Variants in TBC1D2 observed in about 807,000 individuals in gnomAD.
TBC1D2 encodes TBC1 domain family member 2A.
A neutral mutation model predicts 91.1 loss-of-function variants in TBC1D2; 58 were observed. The observed-to-expected ratio is 0.64, with a 90% confidence interval of 0.52 to 0.79. The LOEUF (loss-of-function observed/expected upper bound fraction) is 0.79, where lower values mean the gene tolerates loss of function less well. TBC1D2 is among the 30% of genes least tolerant of loss of function. The pLI, the probability that TBC1D2 is intolerant of heterozygous loss-of-function variation, is 0.00. For missense variants in TBC1D2, 1,080 were observed against 1,208.3 expected (o/e 0.89, Z 1.57); for synonymous variants, 482 against 511.5 (o/e 0.94, Z 0.78).
chr9:98,248,888 A>C (rs758042981), intron 2 of TBC1D2, among the ~76,000 whole-genome samples: 10 of 152,194 alleles, frequency 6.6e-5, no homozygotes, highest in Admixed American at 1.3e-4. Context: ...GTTTAGGTAA[A>C]GCATAAAATA....
chr9:98,232,385 T>C (rs76026715), intron 4 of TBC1D2, among the ~76,000 whole-genome samples: 17,077 of 145,178 alleles, frequency 0.12, 2,430 homozygotes, highest in African/African-American at 0.35. Context: ...CCATGCATGA[T>C]CACGGCTCAC....
At chr9:98,251,560 C>G (rs6478631) in intron 2 of TBC1D2, among the ~76,000 whole-genome samples, 35,657 of 152,088 alleles carry the variant, frequency 0.23, 4,505 homozygotes, top group African/African-American at 0.34. Context: ...GGGAAGGAAA[C>G]AAGCTCAGAA....
In TBC1D2 at chr9:98,220,851, C is replaced by T. The variant is rs1412738701; in HGVS notation, c.1356G>A (p.Gly452=). The T allele has an allele frequency of 3.7e-6, 6 of 1,614,100 alleles. No individual in the cohort carries two copies. The highest frequency in any genetic ancestry group is 2.2e-5 in the East Asian group (1 of 44,884). Residue 452 remains glycine, a synonymous_variant, in exon 6 of 13, where the codon GGG becomes GGA. Coordinates refer to ENST00000465784, the MANE Select transcript of TBC1D2 (RefSeq NM_001267571.2). The part of the protein sequence containing the change: ...AANRDFLSQQ[G]KIEHLKDDME... ...CCCCTACCTTCAGGTGCTCTATCTT[C>T]CCCTGCTGGCTCAGGAAGTCCCTGT... is the stretch of plus-strand genomic sequence containing the variant.
chr9:98,220,621 G>A (rs1829070828), intron 6 of TBC1D2, among the ~76,000 whole-genome samples: 1 of 152,194 alleles, frequency 6.6e-6, no homozygotes, highest in Non-Finnish European at 1.5e-5. Context: ...GGTCAATCAA[G>A]GCCCAGGCAA....
At chr9:98,232,340 C>CTTTTTTTTTTTTTTTTTTTTTT (rs1554754378) in intron 4 of TBC1D2, among the ~76,000 whole-genome samples, 1 of 52,048 alleles carries the variant, frequency 1.9e-5, no homozygotes, top group African/African-American at 1.6e-4. Flanking sequence ...TTCTCTTTTT[C>CTTTTTTTTTTTTTTTTTTTTTT]TGTTTTTTTT....
chr9:98,250,684 G>A (rs1032605547), intron 2 of TBC1D2, among the ~76,000 whole-genome samples: 1 of 152,168 alleles, frequency 6.6e-6, no homozygotes, highest in Admixed American at 6.5e-5. Context: ...AGAGGTCCAG[G>A]GGGTACTTGG....
At chr9:98,213,350 G>A (rs1828897215) in intron 6 of TBC1D2, 132 bp from the exon 7 acceptor site, 7 of 1,485,874 alleles carry the variant, frequency 4.7e-6, no homozygotes, top group Non-Finnish European at 6.3e-6. Context: ...AGAAGAGGAA[G>A]TCTGAAAGAA....
At chr9:98,251,701 C>A in intron 2 of TBC1D2, 84 bp downstream of exon 2, 1 of 1,459,552 alleles carries the variant, frequency 6.9e-7, no homozygotes. Context: ...GCAGAGGGCT[C>A]CTCCCGCTCA....
At chr9:98,229,501 G>A (rs1185000166) in intron 4 of TBC1D2, among the ~76,000 whole-genome samples, 1 of 152,182 alleles carries the variant, frequency 6.6e-6, no homozygotes, top group Non-Finnish European at 1.5e-5. Flanking sequence ...TTTGCCAAGT[G>A]GCTTTCTCCT....
intron 5 of TBC1D2, among the ~76,000 whole-genome samples, chr9:98,224,620 G>A (rs1402049642): frequency 6.6e-6 from 1 of 151,972 alleles, no homozygotes; most frequent in African/African-American, 2.4e-5. Flanking sequence ...CGAGTTGTTT[G>A]GTTCATCTCA....
rs1334854621 is a variant in TBC1D2, at chr9:98,255,208, C to T, written c.334G>A (p.Glu112Lys). ...ATAACCCGGCTGGGAGTCTTGATTT[C>T]GAAGATCCCCTCCTCAGCGTCCGCC... is the stretch of plus-strand genomic sequence containing the variant. ...CKADAEEGIF[E>K]IKTPSRVITL... is the part of the protein sequence containing the mutation. The change falls in exon 1 of 13, where the codon GAA becomes AAA. Residue 112 changes from glutamate to lysine, a missense_variant. By Grantham distance (56) the Glu-to-Lys change is moderately conservative (BLOSUM62 1). Transcript: ENST00000465784. 6.2e-7 allele frequency: 1 copy of T among 1,610,748 alleles called. No homozygotes were observed. Among genetic ancestry groups the T allele is most frequent in the Non-Finnish European group, 8.5e-7 (1 of 1,177,636 alleles).
intron 12 of TBC1D2, among the ~76,000 whole-genome samples, chr9:98,199,966 G>A (rs1318960344): frequency 1.3e-5 from 2 of 152,180 alleles, no homozygotes; most frequent in South Asian, 2.1e-4. Context: ...CCAAAGGTGG[G>A]GTTGTCCTAG....
rs36035887 is a variant in TBC1D2, at chr9:98,242,803, C to CTT, written c.647+1189_647+1190dup. ...TCCAAAGCCCAGGCCACACTGCTGCCTTTTTTTTTTTTTTTTTTTTTTTTT... is the reference window on the plus strand; with the variant it reads ...TCCAAAGCCCAGGCCACACTGCTGCCTTTTTTTTTTTTTTTTTTTTTTTTTTT... On this transcript the variant is annotated intron_variant, in intron 3 of 12. Coordinates refer to ENST00000465784, the MANE Select transcript of TBC1D2 (RefSeq NM_001267571.2). Among the ~76,000 whole-genome samples the CTT allele has an allele frequency of 7.2e-3, 598 of 83,158 alleles. 83 individuals are homozygous for CTT. The highest frequency in any genetic ancestry group is 8.1e-3 in the Non-Finnish European group (375 of 46,094). The allele number at this position is 83,158 out of a possible 152,430, so 54.6% of individuals were successfully genotyped here. A position where few individuals can be genotyped will look rare whatever the true frequency, so the allele number is the denominator to read the frequency against.
At position 98,200,336 on chromosome 9, in the gene TBC1D2, G is replaced by C; in HGVS notation, c.2496C>G (p.Asn832Lys). 1 of 1,612,990 alleles carries C rather than the reference G, an allele frequency of 6.2e-7. No individual in the cohort carries two copies. Among genetic ancestry groups the C allele is most frequent in the Non-Finnish European group, 8.5e-7 (1 of 1,179,698 alleles). Residue 832 changes from asparagine (N) to lysine (K), a missense_variant, in exon 12 of 13, where the codon AAC becomes AAG. Physicochemically the swap from Asn to Lys is moderately conservative, Grantham distance 94. Coordinates refer to ENST00000465784, the MANE Select transcript of TBC1D2 (RefSeq NM_001267571.2). Reference protein sequence around the residue: ...FRYALAIFKYNEKEILRLQNG... With the variant: ...FRYALAIFKYKEKEILRLQNG... ...TCTGTAGCCTCAAGATCTCCTTCTC[G>C]TTGTACTTGAAAATGGCCAAGGCAT... is the stretch of plus-strand genomic sequence containing the variant.
chr9:98,208,815 C>A lies in TBC1D2; in HGVS notation c.2003G>T (p.Arg668Leu). The A allele has an allele frequency of 2.5e-6, 4 of 1,603,278 alleles. No individual in the cohort carries two copies. Among genetic ancestry groups the A allele is most frequent in the Non-Finnish European group, 3.4e-6 (4 of 1,172,066 alleles). The change falls in exon 9 of 13, where the codon CGC (arginine) becomes CTC (leucine). Residue 668 changes from arginine to leucine, a missense_variant. Arg to Leu is a moderately radical substitution (Grantham distance 102). Transcript: ENST00000465784. ...RGQAREHPAARQIELDLNRTF... is the reference protein window; with the variant it reads ...RGQAREHPAALQIELDLNRTF... ...CCGGTTCAGGTCCAGCTCAATCTGG[C>A]GGGCAGCAGGGTGCTCGCGGGCCTG...
At chr9:98,200,413 G>A (rs752806506) in intron 11 of TBC1D2, 39 bp from the exon 12 acceptor site, 2 of 1,500,660 alleles carry the variant, frequency 1.3e-6, no homozygotes, top group Non-Finnish European at 1.8e-6. Context: ...GCATGGGGGG[G>A]CCAGGCAGGT....
chr9:98,255,633 G>A lies in TBC1D2; in HGVS notation c.-92C>T. On this transcript the variant is annotated 5_prime_UTR_variant, in exon 1 of 13. Coordinates refer to ENST00000465784, the MANE Select transcript of TBC1D2 (RefSeq NM_001267571.2). ...CTCGGCGGGCAGCTTCCCAAAGGGA[G>A]ACACCTGGGCGGGGGCGGGGCCGAC... 2.9e-6 allele frequency: 4 copies of A among 1,392,208 alleles called. No individual in the cohort carries two copies. The highest frequency in any genetic ancestry group is 2.8e-6 in the Non-Finnish European group (3 of 1,076,692). 86.2% of individuals were successfully genotyped at this position (1,392,208 alleles called of 1,614,324 possible). A position where few individuals can be genotyped will look rare whatever the true frequency, so the allele number is the denominator to read the frequency against.
chr9:98,203,817 T>C (rs1828577075), intron 9 of TBC1D2, among the ~76,000 whole-genome samples: 1 of 152,160 alleles, frequency 6.6e-6, no homozygotes, highest in Non-Finnish European at 1.5e-5. Context: ...TCTTTATAAA[T>C]GTTAGCTATC....
intron 3 of TBC1D2, among the ~76,000 whole-genome samples, chr9:98,243,534 A>ATT (rs368728395): frequency 0.076 from 9,540 of 125,280 alleles, 510 homozygotes; most frequent in Middle Eastern, 0.1. Context: ...CAATGAATGT[A>ATT]TTTTTTTTTT....
Sources: allele counts gnomAD v4.1 joint callset (sites outside exome capture counted in the v4.1 genomes callset), GRCh38; gene constraint gnomAD v4.1.1; transcripts MANE v1.5; gene names NCBI Gene and HGNC (gene_info 2026-07-23, HGNC 2026-07-21).